PDE5A: variants seen among roughly 807,000 people sequenced by gnomAD.
The protein encoded by PDE5A is cGMP-specific 3',5'-cyclic phosphodiesterase.
PDE5A carries 67 observed loss-of-function variants against 110.2 expected under a neutral mutation model. That is an observed-to-expected ratio of 0.61 (90% CI 0.50 to 0.75). PDE5A has a LOEUF of 0.75. PDE5A is among the 30% of genes least tolerant of loss of function. The pLI, the probability that PDE5A is intolerant of heterozygous loss-of-function variation, is 0.00. For missense variants in PDE5A, 862 were observed against 1,045.1 expected, an observed-to-expected ratio of 0.82 and a Z score of 2.42; for synonymous variants, 328 against 351.2, an observed-to-expected ratio of 0.93 and a Z score of 0.74.
chr4:119,569,173 C>G (rs1728051147), intron 3 of PDE5A, among the ~76,000 whole-genome samples: 1 of 151,786 alleles, frequency 6.6e-6, no homozygotes, highest in African/African-American at 2.4e-5. Context: ...GCTGGGACTA[C>G]TTGGAAGGCA....
intron 11 of PDE5A, among the ~76,000 whole-genome samples, chr4:119,526,657 C>A (rs1256328359): frequency 6.6e-6 from 1 of 152,140 alleles, no homozygotes; most frequent in East Asian, 1.9e-4. Flanking sequence ...GATAGCACTA[C>A]TTTGCTTTTG....
chr4:119,551,513 A>G (rs1484078369), intron 9 of PDE5A, among the ~76,000 whole-genome samples: 1 of 152,202 alleles, frequency 6.6e-6, no homozygotes, highest in Non-Finnish European at 1.5e-5. Context: ...GGAATTGGAA[A>G]GATATTACTG....
intron 7 of PDE5A, 93 bp downstream of exon 7, chr4:119,560,203 G>A: frequency 2.8e-6 from 2 of 708,368 alleles, no homozygotes; most frequent in Non-Finnish European, 2.4e-6. Flanking sequence ...ATAATCTGTA[G>A]CTTATATTTC....
At chr4:119,590,523 C>A (rs1323025375) in intron 3 of PDE5A, among the ~76,000 whole-genome samples, 1 of 152,104 alleles carries the variant, frequency 6.6e-6, no homozygotes, top group Non-Finnish European at 1.5e-5. Context: ...TAACTCCATT[C>A]TCTAGAAGGG....
At chr4:119,588,358 C>T (rs1044979219) in intron 3 of PDE5A, among the ~76,000 whole-genome samples, 2 of 151,404 alleles carry the variant, frequency 1.3e-5, no homozygotes, top group Admixed American at 6.6e-5. Context: ...TTGTATTTTT[C>T]GTAGAGACAG....
chr4:119,539,834 A>G (rs1726861559), intron 10 of PDE5A, among the ~76,000 whole-genome samples: 1 of 152,168 alleles, frequency 6.6e-6, no homozygotes, highest in Admixed American at 6.6e-5. Context: ...AAAATCTGAA[A>G]TCCAAAATCC....
rs967396997 is a variant in PDE5A, at chr4:119,525,607, C to T, written c.1721G>A (p.Cys574Tyr). 4 of 1,613,280 alleles carry T rather than the reference C, an allele frequency of 2.5e-6. No individual in the cohort carries two copies. The highest frequency in any genetic ancestry group is 1.7e-6 in the Non-Finnish European group (2 of 1,179,522). Reference protein sequence around the residue: ...FELSDLETALCTIRMFTDLNL... With the variant: ...FELSDLETALYTIRMFTDLNL... ...GAGGTCAGTAAACATCCGAATTGTACACAGTGCTGTTTCCAGATCAGACAG... is the reference window on the plus strand; with the variant it reads ...GAGGTCAGTAAACATCCGAATTGTATACAGTGCTGTTTCCAGATCAGACAG... Residue 574 changes from cysteine (C) to tyrosine (Y), a missense_variant, in exon 12 of 21, where the codon TGT (cysteine) becomes TAT (tyrosine). Cys to Tyr is a radical substitution (Grantham distance 194). Transcript: ENST00000354960. This position sits in a 1 kb window ranked among gnomAD's most constrained non-coding sequence, Gnocchi z 4.3.
chr4:119,549,418 T>C (rs929967897), intron 9 of PDE5A: 1 of 152,206 alleles, frequency 6.6e-6, no homozygotes, highest in East Asian at 1.9e-4. Flanking sequence ...GGGATTAAGA[T>C]AGTAACCAGT....
intron 19 of PDE5A, chr4:119,502,338 G>A (rs536475164): frequency 3.0e-5 from 9 of 298,440 alleles, no homozygotes; most frequent in East Asian, 1.2e-4. Flanking sequence ...ATACTTAAGC[G>A]GAAAAAAACA....
At chr4:119,578,353 G>T (rs1326773673) in intron 3 of PDE5A, among the ~76,000 whole-genome samples, 1 of 152,028 alleles carries the variant, frequency 6.6e-6, no homozygotes, top group Non-Finnish European at 1.5e-5. Flanking sequence ...AGTTCATATG[G>T]AACCAAAAAA....
chr4:119,576,639 C>T lies in PDE5A; in HGVS notation c.832-9495G>A, dbSNP rs532359869. Among the ~76,000 whole-genome samples, 22 of 152,074 alleles carry T rather than the reference C, an allele frequency of 1.4e-4. No homozygotes were observed. In the South Asian group the frequency reaches 1.7e-3, roughly 11 times the overall value. On this transcript the variant is annotated intron_variant, in intron 3 of 20. Transcript: ENST00000354960. ...AAATAAAGATGTTCTTTGAAACCAACGAGAACAAAGACACAACATACCAGA... is the reference window on the plus strand; with the variant it reads ...AAATAAAGATGTTCTTTGAAACCAATGAGAACAAAGACACAACATACCAGA...
intron 6 of PDE5A, among the ~76,000 whole-genome samples, chr4:119,562,273 A>G (rs1313539135): frequency 6.6e-6 from 1 of 152,254 alleles, no homozygotes; most frequent in African/African-American, 2.4e-5. Context: ...TTCACATTAC[A>G]AAATCAATGG....
chr4:119,607,200 G>T lies in PDE5A; in HGVS notation c.250C>A (p.Gln84Lys). ...GHTESCSCPL[Q>K]QSPRADNSAP... The stretch of plus-strand genomic sequence containing the variant: ...CTGTTATCTGCACGAGGACTCTGCT[G>T]CAAGGGACAAGAGCAAGATTCGGTG... Residue 84 changes from glutamine (Q) to lysine (K), a missense_variant, in exon 2 of 21, where the codon CAG (glutamine) becomes AAG (lysine). Transcript: ENST00000354960. 3 of 1,614,080 alleles carry T rather than the reference G, an allele frequency of 1.9e-6. No individual in the cohort carries two copies. The highest frequency in any genetic ancestry group is 2.5e-6 in the Non-Finnish European group (3 of 1,179,978).
chr4:119,533,150 A>C lies in PDE5A; in HGVS notation c.1632+5810T>G, dbSNP rs535719696. Among the ~76,000 whole-genome samples the C allele has an allele frequency of 2.6e-5, 4 of 152,272 alleles. No homozygotes were observed. In the South Asian group the frequency reaches 8.3e-4, roughly 32 times the overall value. On this transcript the variant is annotated intron_variant, in intron 11 of 20. Coordinates refer to ENST00000354960, the MANE Select transcript of PDE5A (RefSeq NM_001083.4). ...TTATTCAATATAAATGGTCCACAGG[A>C]AAAAAGGTTTCAATCTCAATAATCC...
intron 10 of PDE5A, 104 bp from the exon 11 acceptor site, chr4:119,539,123 T>A: frequency 1.2e-6 from 1 of 856,372 alleles, no homozygotes; most frequent in Non-Finnish European, 2.0e-6. Context: ...GAGAGATAAT[T>A]AGACTCCTCA....
intron 1 of PDE5A, among the ~76,000 whole-genome samples, chr4:119,618,243 ATTGTTT>A (rs1188217665): frequency 6.6e-6 from 1 of 152,184 alleles, no homozygotes; most frequent in Non-Finnish European, 1.5e-5. Flanking sequence ...CATGATAGTT[ATTGTTT>A]TTAAGTTAAC....
Position 119,609,630 on chromosome 4 carries a change from C to A in PDE5A, c.153-2333G>T, listed in dbSNP as rs559416084. ...AAATGAAAAGATAAAAATATTACCC[C>A]CCTTATAATTTCAAGAGTTGAATAC... On this transcript the variant is annotated intron_variant, in intron 1 of 20. Coordinates refer to ENST00000354960, the MANE Select transcript of PDE5A (RefSeq NM_001083.4). Among the ~76,000 whole-genome samples, 8 of 152,058 alleles carry A rather than the reference C, an allele frequency of 5.3e-5. No individual in the cohort carries two copies. The East Asian group carries it at 1.5e-3, about 29-fold the overall frequency.
chr4:119,550,785 T>C (rs1727323896), intron 9 of PDE5A, among the ~76,000 whole-genome samples: 1 of 152,242 alleles, frequency 6.6e-6, no homozygotes, highest in Admixed American at 6.5e-5. Context: ...TAAATCTTTA[T>C]ACTTATAAAA....
At chr4:119,531,350 C>T (rs760575934) in intron 11 of PDE5A, among the ~76,000 whole-genome samples, 1 of 152,138 alleles carries the variant, frequency 6.6e-6, no homozygotes, top group Non-Finnish European at 1.5e-5. Flanking sequence ...ACAATCTTGG[C>T]TCACTGCAAC....
Sources: allele counts gnomAD v4.1 joint callset (sites outside exome capture counted in the v4.1 genomes callset), GRCh38; gene constraint gnomAD v4.1.1; non-coding constraint Gnocchi (gnomAD v3.1); transcripts MANE v1.5; gene names NCBI Gene and HGNC (gene_info 2026-07-23, HGNC 2026-07-21).